Variants in VAV3 observed in about 807,000 individuals in gnomAD.
The protein encoded by VAV3 is vav guanine nucleotide exchange factor 3, also known as guanine nucleotide exchange factor VAV3.
A neutral mutation model predicts 131.2 loss-of-function variants in VAV3; 94 were observed. The ratio of observed to expected loss-of-function variants is 0.72; its 90% confidence interval spans 0.61 to 0.85. VAV3 has a LOEUF of 0.85. Ranked by LOEUF, VAV3 falls within the 40% of genes least tolerant of loss-of-function variation. The pLI, the probability that VAV3 is intolerant of heterozygous loss-of-function variation, is 0.00. For missense variants in VAV3, 939 were observed against 1,002.7 expected (o/e 0.94, Z 0.86); for synonymous variants, 349 against 342.0 (o/e 1.02, Z -0.22).
intron 20 of VAV3, among the ~76,000 whole-genome samples, chr1:107,623,540 T>G (rs1653767851): frequency 6.6e-6 from 1 of 152,240 alleles, no homozygotes; most frequent in African/African-American, 2.4e-5. Context: ...AACTATTATA[T>G]TCCTGACAGT....
At chr1:107,954,044 T>C (rs1674680375) in intron 1 of VAV3, among the ~76,000 whole-genome samples, 1 of 152,200 alleles carries the variant, frequency 6.6e-6, no homozygotes, top group Admixed American at 6.5e-5. Context: ...TTGCTGTTCA[T>C]GGTTCTATCC....
intron 24 of VAV3, among the ~76,000 whole-genome samples, chr1:107,598,244 T>C (rs1327525115): frequency 6.6e-6 from 1 of 151,982 alleles, no homozygotes; most frequent in Non-Finnish European, 1.5e-5. Flanking sequence ...TGATCCCAGC[T>C]ACTTGGGAGG....
At chr1:107,933,357 A>G (rs553446861) in intron 1 of VAV3, among the ~76,000 whole-genome samples, 3 of 151,920 alleles carry the variant, frequency 2.0e-5, no homozygotes, top group Admixed American at 2.0e-4. Context: ...TTTATAAGCA[A>G]AGGATATCTT....
chr1:107,888,199 G>T (rs982342519), intron 1 of VAV3, among the ~76,000 whole-genome samples: 7 of 152,156 alleles, frequency 4.6e-5, no homozygotes, highest in African/African-American at 1.7e-4. Flanking sequence ...ATTGAAAGAG[G>T]TAATCTGTAG....
Position 107,880,701 on chromosome 1 carries a change from C to A in VAV3, c.205-5684G>T, listed in dbSNP as rs189274395. Reference sequence around the variant, plus strand: ...GTCCCAGTTACTGGGGAGGCTGAGGCATGATAATCCCTTGAACCTGGGAAA... The same window carrying A: ...GTCCCAGTTACTGGGGAGGCTGAGGAATGATAATCCCTTGAACCTGGGAAA... On this transcript the variant is annotated intron_variant, in intron 1 of 26. Coordinates refer to ENST00000370056, the MANE Select transcript of VAV3 (RefSeq NM_006113.5). Among the ~76,000 whole-genome samples the A allele has an allele frequency of 4.0e-5, 6 of 151,698 alleles. No homozygotes were observed. The East Asian group carries it at 9.7e-4, about 25-fold the overall frequency.
chr1:107,707,369 C>T (rs146929171), intron 15 of VAV3, among the ~76,000 whole-genome samples: 142 of 152,278 alleles, frequency 9.3e-4, no homozygotes, highest in African/African-American at 3.4e-3. Context: ...TGATCTTAGG[C>T]AAGTTAGTGA....
chr1:107,898,307 C>T (rs1437647105), intron 1 of VAV3, among the ~76,000 whole-genome samples: 2 of 152,108 alleles, frequency 1.3e-5, no homozygotes, highest in East Asian at 1.9e-4. Flanking sequence ...GTAGAAATTA[C>T]TTTTATAAAT....
chr1:107,683,864 G>A (rs2101743658), intron 18 of VAV3, among the ~76,000 whole-genome samples: 1 of 152,260 alleles, frequency 6.6e-6, no homozygotes, highest in East Asian at 1.9e-4. Context: ...AGCCATCTTG[G>A]TTAGAATATG....
chr1:107,828,264 C>T (rs191345470), intron 2 of VAV3, among the ~76,000 whole-genome samples: 7 of 152,142 alleles, frequency 4.6e-5, no homozygotes, highest in African/African-American at 1.7e-4. Flanking sequence ...GCCTTTCAAG[C>T]GTACAAGATT....
intron 8 of VAV3, among the ~76,000 whole-genome samples, chr1:107,765,564 A>T (rs1344201261): frequency 6.6e-6 from 1 of 152,218 alleles, no homozygotes; most frequent in Non-Finnish European, 1.5e-5. Flanking sequence ...TCTCTATTAC[A>T]ATTTTATGCC....
chr1:107,878,733 A>G (rs1670627175), intron 1 of VAV3, among the ~76,000 whole-genome samples: 1 of 152,178 alleles, frequency 6.6e-6, no homozygotes. Flanking sequence ...TAAGATGGTT[A>G]CTGCCACATC....
chr1:107,808,404 A>T (rs1358462841), intron 2 of VAV3, among the ~76,000 whole-genome samples: 5 of 152,174 alleles, frequency 3.3e-5, no homozygotes, highest in Middle Eastern at 3.2e-3. Context: ...ACCCTTTTTC[A>T]AATTGCTTTT....
intron 2 of VAV3, among the ~76,000 whole-genome samples, chr1:107,808,002 A>AT: frequency 6.6e-6 from 1 of 152,296 alleles, no homozygotes; most frequent in South Asian, 2.1e-4. Context: ...AAACATAATA[A>AT]TTGCGGCTAT....
chr1:107,705,831 G>C (rs1413143278), intron 15 of VAV3, among the ~76,000 whole-genome samples: 2 of 152,092 alleles, frequency 1.3e-5, no homozygotes, highest in African/African-American at 4.8e-5. Flanking sequence ...TTACTCTAAA[G>C]TAGAGCTTAC....
At chr1:107,923,507 A>T (rs1673017496) in intron 1 of VAV3, among the ~76,000 whole-genome samples, 1 of 152,194 alleles carries the variant, frequency 6.6e-6, no homozygotes, top group Non-Finnish European at 1.5e-5. Context: ...AAAATACTTA[A>T]GACTGGTTAA....
At chr1:107,691,300 T>C (rs1659408120) in intron 17 of VAV3, among the ~76,000 whole-genome samples, 1 of 152,200 alleles carries the variant, frequency 6.6e-6, no homozygotes, top group South Asian at 2.1e-4. Context: ...CCTTTTTGTA[T>C]GGAGTATTCT....
chr1:107,676,327 TG>T (rs1165543664), intron 19 of VAV3, among the ~76,000 whole-genome samples: 2 of 152,174 alleles, frequency 1.3e-5, no homozygotes, highest in Non-Finnish European at 2.9e-5. Context: ...AAGCTCTCCT[TG>T]GGATTCTGCT....
At chr1:107,873,644 G>A (rs1248566796) in intron 2 of VAV3, among the ~76,000 whole-genome samples, 3 of 152,126 alleles carry the variant, frequency 2.0e-5, no homozygotes, top group Non-Finnish European at 2.9e-5. Context: ...CTTTCAGTTC[G>A]TTGTACAAAT....
chr1:107,764,112 A>AC (rs2102147637), intron 9 of VAV3, among the ~76,000 whole-genome samples: 1 of 152,242 alleles, frequency 6.6e-6, no homozygotes, highest in Non-Finnish European at 1.5e-5. Flanking sequence ...AAAACAAAAA[A>AC]AAAAACATGA....
Sources: gnomAD v4.1 joint callset for allele counts (sites outside exome capture counted in the v4.1 genomes callset) on GRCh38, gnomAD v4.1.1 for gene constraint, MANE v1.5 for transcripts, NCBI Gene and HGNC (gene_info 2026-07-23, HGNC 2026-07-21) for gene names.